EFCAB5: variants seen among roughly 807,000 people sequenced by gnomAD.
EFCAB5 encodes the protein EF-hand calcium binding domain 5.
Under a neutral mutation model 167.9 loss-of-function variants are expected in EFCAB5, and 131 were observed. The ratio of observed to expected loss-of-function variants is 0.78; its 90% CI spans 0.68 to 0.90. The LOEUF is 0.90. EFCAB5 is among the 40% of genes least tolerant of loss of function. EFCAB5 has a pLI of 0.00. For missense variants in EFCAB5, 1,663 were observed against 1,745.2 expected (o/e 0.95, Z 0.84); for synonymous variants, 574 against 602.8 (o/e 0.95, Z 0.70).
At chr17:30,078,725 A>G (rs2070921890) in intron 15 of EFCAB5, among the ~76,000 whole-genome samples, 1 of 152,176 alleles carries the variant, frequency 6.6e-6, no homozygotes, top group African/African-American at 2.4e-5. Flanking sequence ...GAAAGGTAGA[A>G]AAGACAGATG....
chr17:30,003,330 G>A (rs2068705119), intron 7 of EFCAB5, among the ~76,000 whole-genome samples: 1 of 151,972 alleles, frequency 6.6e-6, no homozygotes, highest in South Asian at 2.1e-4. Context: ...CAACCTCCCA[G>A]GCCCAAGCCA....
At chr17:29,990,518 T>C (rs1367283820) in intron 4 of EFCAB5, among the ~76,000 whole-genome samples, 10 of 152,198 alleles carry the variant, frequency 6.6e-5, no homozygotes, top group Admixed American at 6.5e-4. Context: ...ATGACTCCTG[T>C]ATGTACTTGC....
At chr17:30,096,677 A>ATATATTT (rs1193558323) in intron 22 of EFCAB5, among the ~76,000 whole-genome samples, 9 of 60,128 alleles carry the variant, frequency 1.5e-4, no homozygotes, top group African/African-American at 6.7e-4. Context: ...ATATATATAT[A>ATATATTT]TTTTTTTTTT....
At chr17:30,033,985 G>A (rs1285641451) in intron 7 of EFCAB5, among the ~76,000 whole-genome samples, 1 of 152,170 alleles carries the variant, frequency 6.6e-6, no homozygotes, top group Admixed American at 6.5e-5. Context: ...GTGATATAGA[G>A]GGAAATTGCT....
At chr17:30,107,666 A>G (rs1351317269) in intron 22 of EFCAB5, among the ~76,000 whole-genome samples, 168 bp from the exon 23 acceptor site, 1 of 152,196 alleles carries the variant, frequency 6.6e-6, no homozygotes, top group Non-Finnish European at 1.5e-5. Flanking sequence ...TTGTATGACT[A>G]TACCAAAATT....
intron 7 of EFCAB5, among the ~76,000 whole-genome samples, chr17:30,004,538 G>A (rs774676623): frequency 2.0e-5 from 3 of 151,946 alleles, no homozygotes; most frequent in Non-Finnish European, 2.9e-5. Context: ...GGTCTGTTGG[G>A]CCTGGTTCAG....
At chr17:30,059,524 A>G (rs1445679198) in intron 13 of EFCAB5, 21 bp from the exon 14 acceptor site, 1 of 1,585,622 alleles carries the variant, frequency 6.3e-7, no homozygotes, top group East Asian at 2.2e-5. Context: ...TCCGTGCTTT[A>G]TTATCCTGTT....
Position 30,053,183 on chromosome 17 carries a change from C to A in EFCAB5, c.1301-72C>A, listed in dbSNP as rs939473907. Reference sequence around the variant, plus strand: ...TTTCTGTGCTCAATGCTTTTCTTTGCATTAATTTAATAGCTCTAATTCTGC... The same window carrying A: ...TTTCTGTGCTCAATGCTTTTCTTTGAATTAATTTAATAGCTCTAATTCTGC... On this transcript the variant is annotated intron_variant, in intron 9 of 22. Transcript: ENST00000394835. The A allele has an allele frequency of 2.4e-5, 35 of 1,487,418 alleles. No individual in the cohort carries two copies. The East Asian group carries it at 7.7e-4, about 33-fold the overall frequency. The allele number at this position is 1,487,418 out of a possible 1,614,324, so 92.1% of individuals were successfully genotyped here.
chr17:30,053,503 G>A lies in EFCAB5; in HGVS notation c.1549G>A (p.Gly517Arg). ...EQQRGVTAEQ[G>R]PQRISIEEQQ... The stretch of plus-strand genomic sequence containing the variant: ...GCAGAGAGGAGTAACTGCAGAACAA[G>A]GACCACAAAGAATTTCAATTGAAGA... The change falls in exon 10 of 23, where the codon GGA (glycine) becomes AGA (arginine). Residue 517 changes from glycine (G) to arginine (R), a missense_variant. By Grantham distance (125) the Gly-to-Arg change is moderately radical. Coordinates refer to ENST00000394835, the MANE Select transcript of EFCAB5 (RefSeq NM_198529.4). The A allele has an allele frequency of 1.2e-6, 2 of 1,613,900 alleles. No homozygotes were observed. The highest frequency in any genetic ancestry group is 1.7e-6 in the Non-Finnish European group (2 of 1,179,862).
Position 29,956,250 on chromosome 17 carries a change from A to C in EFCAB5, c.191-12541A>C, listed in dbSNP as rs556780849. Among the ~76,000 whole-genome samples the C allele has an allele frequency of 6.6e-5, 10 of 152,386 alleles. No homozygotes were observed. The South Asian group carries it at 1.9e-3, about 28-fold the overall frequency. ...GTAGCAATGAATAACAACTGTTAAAAGAAAAGCTTTAGACAAATTGAACAG... is the reference window on the plus strand; with the variant it reads ...GTAGCAATGAATAACAACTGTTAAACGAAAAGCTTTAGACAAATTGAACAG... On this transcript the variant is annotated intron_variant, in intron 3 of 22. Coordinates refer to ENST00000394835, the MANE Select transcript of EFCAB5 (RefSeq NM_198529.4).
intron 19 of EFCAB5, among the ~76,000 whole-genome samples, chr17:30,088,342 T>G (rs1597558249): frequency 6.6e-6 from 1 of 152,146 alleles, no homozygotes; most frequent in African/African-American, 2.4e-5. Context: ...CCTTCCCAAG[T>G]CCTTTTTAAA....
intron 4 of EFCAB5, among the ~76,000 whole-genome samples, chr17:29,986,303 A>G (rs938067372): frequency 3.3e-5 from 5 of 152,246 alleles, no homozygotes; most frequent in Non-Finnish European, 5.9e-5. Context: ...AGCGGGCCAT[A>G]TCATTTGAGG....
At chr17:29,972,204 A>ATTTTTTTTTTT (rs11409322) in intron 4 of EFCAB5, among the ~76,000 whole-genome samples, 2 of 127,452 alleles carry the variant, frequency 1.6e-5, no homozygotes, top group Admixed American at 8.3e-5. Flanking sequence ...CGCCCGGCTA[A>ATTTTTTTTTTT]TTTTTTTTTT....
chr17:30,058,559 A>G (rs550294340), intron 13 of EFCAB5, among the ~76,000 whole-genome samples: 1 of 152,352 alleles, frequency 6.6e-6, no homozygotes, highest in Non-Finnish European at 1.5e-5. Flanking sequence ...TTCAATTACT[A>G]TCTCACTAAT....
chr17:30,097,181 C>T (rs1421054339), intron 22 of EFCAB5, among the ~76,000 whole-genome samples: 4 of 151,708 alleles, frequency 2.6e-5, no homozygotes, highest in Middle Eastern at 3.2e-3. Flanking sequence ...CTCAGCCTCC[C>T]GAGTAGCTGG....
In EFCAB5 at chr17:30,053,947, G is replaced by A; in HGVS notation, c.1993G>A (p.Glu665Lys). The change falls in exon 10 of 23, where the codon GAA becomes AAA. Residue 665 changes from glutamate to lysine, a missense_variant. Transcript: ENST00000394835. ...PYGEIISEEQ[E>K]DIGSTSQSRK... is the part of the protein sequence containing the mutation. ...TGGAGAGATAATTTCAGAAGAGCAA[G>A]AAGACATAGGCTCAACTTCACAATC... is the stretch of plus-strand genomic sequence containing the variant. 3 of 1,613,970 alleles carry A rather than the reference G, an allele frequency of 1.9e-6. No homozygotes were observed. The highest frequency in any genetic ancestry group is 1.7e-6 in the Non-Finnish European group (2 of 1,179,872).
chr17:29,954,925 C>T (rs1363012187), intron 3 of EFCAB5, among the ~76,000 whole-genome samples: 3 of 152,194 alleles, frequency 2.0e-5, no homozygotes, highest in African/African-American at 7.2e-5. Flanking sequence ...GAGATCATTT[C>T]AGAGATTTAA....
At chr17:30,057,920 G>A (rs750172915) in intron 13 of EFCAB5, 30 bp downstream of exon 13, 1 of 1,581,112 alleles carries the variant, frequency 6.3e-7, no homozygotes, top group Non-Finnish European at 8.6e-7. Context: ...AATGATACAA[G>A]TGAGGTCACT....
At chr17:30,008,343 A>T (rs1302484967) in intron 7 of EFCAB5, among the ~76,000 whole-genome samples, 4 of 152,220 alleles carry the variant, frequency 2.6e-5, no homozygotes, top group Non-Finnish European at 4.4e-5. Flanking sequence ...CTGTAATCCC[A>T]GCACTTTGGG....
Sources: allele counts gnomAD v4.1 joint callset (sites outside exome capture counted in the v4.1 genomes callset), GRCh38; gene constraint gnomAD v4.1.1; transcripts MANE v1.5; gene names NCBI Gene and HGNC (gene_info 2026-07-23, HGNC 2026-07-21).